Variants in CENPL observed in about 807,000 individuals in gnomAD.
The protein encoded by CENPL is centromere protein L, also known as interphase centromere complex protein 33.
CENPL carries 20 observed loss-of-function variants against 35.2 expected under a neutral mutation model. The ratio of observed to expected loss-of-function variants is 0.57; its 90% CI spans 0.40 to 0.83. CENPL has a LOEUF of 0.83. CENPL is among the 40% of genes least tolerant of loss of function. CENPL has a pLI of 0.00. For synonymous variants in CENPL, 140 were observed against 140.6 expected (o/e 1.00, Z 0.03); for missense variants, 363 against 395.8 (o/e 0.92, Z 0.70).
intron 2 of CENPL, among the ~76,000 whole-genome samples, chr1:173,813,113 C>T (rs368615153): frequency 2.0e-5 from 3 of 152,056 alleles, no homozygotes; most frequent in East Asian, 3.9e-4. Flanking sequence ...AGCGAGAAGA[C>T]AAAGTTAGAG....
Position 173,803,396 on chromosome 1 carries a change from T to C in CENPL, c.530A>G (p.Asp177Gly). ...GDSLLETVSEDFTCLPLFLAN... is the reference protein window; with the variant it reads ...GDSLLETVSEGFTCLPLFLAN... ...AAGGAATAAGGGCAGACAGGTGAAA[T>C]CTTCTGAAACAGTCTCCAGAAGACT... The change falls in exon 5 of 6, where the codon GAT (aspartate) becomes GGT (glycine). Residue 177 changes from aspartate (D) to glycine (G), a missense_variant. Transcript: ENST00000682279. The C allele has an allele frequency of 6.2e-7, 1 of 1,614,084 alleles. No homozygotes were observed. The highest frequency in any genetic ancestry group is 8.5e-7 in the Non-Finnish European group (1 of 1,179,956).
chr1:173,810,935 C>A (rs1031315591), intron 3 of CENPL, among the ~76,000 whole-genome samples, 197 bp downstream of exon 3: 5 of 151,996 alleles, frequency 3.3e-5, no homozygotes, highest in African/African-American at 1.2e-4. Flanking sequence ...TAAATAAATA[C>A]ATAAATACAA....
chr1:173,820,314 T>G (rs1651824779), intron 2 of CENPL, among the ~76,000 whole-genome samples: 1 of 151,612 alleles, frequency 6.6e-6, no homozygotes, highest in South Asian at 2.1e-4. Context: ...CTCCACAAAT[T>G]AAACATGTAG....
rs1459501941 is a variant in CENPL, at chr1:173,803,318, G to A, written c.608C>T (p.Thr203Ile). The change falls in exon 5 of 6, where the codon ACC becomes ATC. Residue 203 changes from threonine to isoleucine, a missense_variant. Physicochemically the swap from Thr to Ile is moderately conservative, Grantham distance 89. Transcript: ENST00000682279. The part of the protein sequence containing the change: ...TAIIGTWFQK[T>I]FDCYFSPLAI... ...TAAAGGACTGAAATAACAGTCAAAG[G>A]TTTTCTGAAACCAAGTTCCAATTAT... 6.2e-7 allele frequency: 1 copy of A among 1,613,782 alleles called. No homozygotes were observed. The highest frequency in any genetic ancestry group is 1.7e-5 in the Admixed American group (1 of 60,016).
intron 4 of CENPL, among the ~76,000 whole-genome samples, chr1:173,804,875 T>C (rs1015507693): frequency 1.3e-5 from 2 of 152,240 alleles, no homozygotes; most frequent in African/African-American, 2.4e-5. Context: ...GTTAATATCA[T>C]AGCTTTGTAT....
At position 173,800,164 on chromosome 1, in the gene CENPL, TA is replaced by T. The variant is rs775602177; in HGVS notation, c.*283del. The T allele has an allele frequency of 3.0e-5, 6 of 197,932 alleles. No homozygotes were observed. The highest frequency in any genetic ancestry group is 4.1e-5 in the Non-Finnish European group (4 of 96,674). The allele number at this position is 197,932 out of a possible 1,614,324, so 12.3% of individuals were successfully genotyped here. Reference sequence around the variant, plus strand: ...TGTGAGCCACCAAGCCCAGCCTATATATATATATTTAAAGATGACAAGAAAT... The same window carrying T: ...TGTGAGCCACCAAGCCCAGCCTATATTATATATTTAAAGATGACAAGAAAT... On this transcript the variant is annotated 3_prime_UTR_variant, in exon 6 of 6. Transcript: ENST00000682279.
chr1:173,818,728 A>G (rs1651654207), intron 2 of CENPL, among the ~76,000 whole-genome samples: 1 of 152,144 alleles, frequency 6.6e-6, no homozygotes, highest in African/African-American at 2.4e-5. Context: ...GCTTTCCTCA[A>G]TCACCCAGTC....
chr1:173,819,372 C>A (rs1256856831), intron 2 of CENPL, among the ~76,000 whole-genome samples: 1 of 152,192 alleles, frequency 6.6e-6, no homozygotes, highest in African/African-American at 2.4e-5. Flanking sequence ...AAGTGGATCA[C>A]CTGCAGTCAG....
At chr1:173,802,108 T>C (rs763663794) in intron 5 of CENPL, among the ~76,000 whole-genome samples, 10 of 152,058 alleles carry the variant, frequency 6.6e-5, no homozygotes, top group Non-Finnish European at 1.2e-4. Context: ...GTTAAACTCT[T>C]AGCACAGTAA....
chr1:173,817,178 TC>T (rs1651478849), intron 2 of CENPL, among the ~76,000 whole-genome samples: 1 of 151,696 alleles, frequency 6.6e-6, no homozygotes, highest in Non-Finnish European at 1.5e-5. Flanking sequence ...ATAAATACTG[TC>T]TGCACAGCAA....
intron 2 of CENPL, among the ~76,000 whole-genome samples, chr1:173,817,010 C>T (rs1027452159): frequency 1.3e-5 from 2 of 152,012 alleles, no homozygotes; most frequent in Non-Finnish European, 2.9e-5. Flanking sequence ...TGGTGATGTG[C>T]GCCTATACTC....
At chr1:173,805,957 G>A (rs907896480) in intron 4 of CENPL, among the ~76,000 whole-genome samples, 1 of 151,946 alleles carries the variant, frequency 6.6e-6, no homozygotes, top group Non-Finnish European at 1.5e-5. Context: ...CTATATCAGG[G>A]GTCAGCAAAT....
intron 3 of CENPL, 94 bp from the exon 4 acceptor site, chr1:173,807,612 T>C (rs1250540287): frequency 1.7e-5 from 18 of 1,047,734 alleles, no homozygotes; most frequent in Admixed American, 2.8e-5. Flanking sequence ...AAATATATTA[T>C]TGAGTACCTG....
At chr1:173,812,616 A>G (rs1024596930) in intron 2 of CENPL, among the ~76,000 whole-genome samples, 3 of 152,228 alleles carry the variant, frequency 2.0e-5, no homozygotes, top group African/African-American at 7.2e-5. Context: ...ACAAACAGAA[A>G]GGAATAGCAT....
At chr1:173,806,451 G>A in intron 4 of CENPL, 1 of 446,358 alleles carries the variant, frequency 2.2e-6, no homozygotes, top group Non-Finnish European at 4.5e-6. Context: ...GAGTGTGGTG[G>A]CATGCACCTG....
At chr1:173,815,779 G>T (rs1373571712) in intron 2 of CENPL, among the ~76,000 whole-genome samples, 1 of 152,150 alleles carries the variant, frequency 6.6e-6, no homozygotes, top group Non-Finnish European at 1.5e-5. Flanking sequence ...ACTGGCACAA[G>T]ACAGGGATGC....
chr1:173,805,114 A>G (rs749721809), intron 4 of CENPL, among the ~76,000 whole-genome samples: 17 of 152,242 alleles, frequency 1.1e-4, no homozygotes, highest in Non-Finnish European at 1.9e-4. Flanking sequence ...ACAAGGGTAG[A>G]TGCTTGACTG....
intron 2 of CENPL, among the ~76,000 whole-genome samples, chr1:173,818,032 A>G (rs1651586149): frequency 6.6e-6 from 1 of 152,146 alleles, no homozygotes; most frequent in Non-Finnish European, 1.5e-5. Context: ...GAGGGATAGC[A>G]TTAGGAGAAA....
Position 173,811,104 on chromosome 1 carries a change from C to G in CENPL, c.168+28G>C, listed in dbSNP as rs1296411510. 1.9e-6 allele frequency: 3 copies of G among 1,590,828 alleles called. No homozygotes were observed. In the South Asian group the frequency reaches 3.3e-5, roughly 18 times the overall value. On this transcript the variant is annotated intron_variant, in intron 3 of 5. Coordinates refer to ENST00000682279, the MANE Select transcript of CENPL (RefSeq NM_001387287.1). ...GTTCACAGATATTCTCAATTATTGA[C>G]TAACACAAAGGGACACAAAAAGCAT...
Sources: allele counts gnomAD v4.1 joint callset (sites outside exome capture counted in the v4.1 genomes callset), GRCh38; gene constraint gnomAD v4.1.1; transcripts MANE v1.5; gene names NCBI Gene and HGNC (gene_info 2026-07-23, HGNC 2026-07-21).